LRRC39: variants seen among roughly 807,000 people sequenced by gnomAD.
LRRC39 encodes the protein leucine rich repeat containing 39.
A neutral mutation model predicts 39.7 loss-of-function variants in LRRC39; 35 were observed. The observed-to-expected ratio is 0.88, with a 90% confidence interval of 0.67 to 1.17. The LOEUF is 1.17. LRRC39 is among the 50% of genes most tolerant of loss of function. The pLI is 0.00. For missense variants in LRRC39, 357 were observed against 385.8 expected (o/e 0.93, Z 0.62); for synonymous variants, 113 against 134.1 (o/e 0.84, Z 1.09).
At chr1:100,174,506 C>T (rs1391073664) in intron 1 of LRRC39, among the ~76,000 whole-genome samples, 3 of 151,666 alleles carry the variant, frequency 2.0e-5, no homozygotes, top group Non-Finnish European at 2.9e-5. Context: ...ACCATGTTGC[C>T]CAGGCTGATC....
chr1:100,148,727 T>C lies in LRRC39; in HGVS notation c.*315A>G, dbSNP rs984936441. 8 of 1,612,028 alleles carry C rather than the reference T, an allele frequency of 5.0e-6. No individual in the cohort carries two copies. The highest frequency in any genetic ancestry group is 2.7e-5 in the African/African-American group (2 of 74,906). ...TGCAGCAGAAGGGATTCAGTCCTGCTTTGCAGTACTATACAGACCCTCTGG... is the reference window on the plus strand; with the variant it reads ...TGCAGCAGAAGGGATTCAGTCCTGCCTTGCAGTACTATACAGACCCTCTGG... On this transcript the variant is annotated 3_prime_UTR_variant, in exon 10 of 10. Transcript: ENST00000370137.
chr1:100,160,473 T>G lies in LRRC39; in HGVS notation c.212A>C (p.Glu71Ala), dbSNP rs766510960. 6.2e-7 allele frequency: 1 copy of G among 1,612,270 alleles called. No individual in the cohort carries two copies. Among genetic ancestry groups the G allele is most frequent in the Admixed American group, 1.7e-5 (1 of 59,696 alleles). ...TATTCTATAAAAGCTTACCTTCCAT[T>G]CCTCTTTTTCTATCTTCAAAATGAC... Reference protein sequence around the residue: ...GRVILKIEKEEWKTLPSSLLK... With the variant: ...GRVILKIEKEAWKTLPSSLLK... The change falls in exon 4 of 10, where the codon GAA becomes GCA. Residue 71 changes from glutamate (E) to alanine (A), a missense_variant. Coordinates refer to ENST00000370137, the MANE Select transcript of LRRC39 (RefSeq NM_144620.4).
intron 5 of LRRC39, among the ~76,000 whole-genome samples, 162 bp from the exon 6 acceptor site, chr1:100,158,529 C>G (rs968248202): frequency 2.6e-5 from 4 of 152,152 alleles, no homozygotes; most frequent in Admixed American, 2.6e-4. Flanking sequence ...GCTCCGCCTC[C>G]CGGGTTCACG....
intron 1 of LRRC39, among the ~76,000 whole-genome samples, chr1:100,173,607 T>C (rs542567754): frequency 8.6e-4 from 131 of 152,308 alleles, no homozygotes; most frequent in Non-Finnish European, 1.5e-3. Flanking sequence ...TACTGTATCA[T>C]GGCTCTACCC....
chr1:100,155,051 C>A lies in LRRC39; in HGVS notation c.812G>T (p.Arg271Met). 2 of 1,562,478 alleles carry A rather than the reference C, an allele frequency of 1.3e-6. No homozygotes were observed. The highest frequency in any genetic ancestry group is 1.2e-5 in the South Asian group (1 of 81,796). ...PVCMEEMANL[R>M]FVNFRDNPLK... ...CAGTTTTGTGCCTACAACTTTTTAC[C>A]TCAGATTTGCCATTTCTTCCATGCA... Residue 271 changes from arginine (R) to methionine (M), a missense_variant and splice_region_variant, in exon 8 of 10, where the codon AGG (arginine) becomes ATG (methionine). Physicochemically the swap from Arg to Met is moderately conservative, Grantham distance 91. Transcript: ENST00000370137.
At chr1:100,167,754 C>T (rs540452570) in intron 3 of LRRC39, among the ~76,000 whole-genome samples, 18 of 148,822 alleles carry the variant, frequency 1.2e-4, no homozygotes, top group Admixed American at 1.0e-3. Context: ...CCAGCCTGGG[C>T]GACAGAGTGA....
upstream of LRRC39, among the ~76,000 whole-genome samples, chr1:100,178,516 G>A (rs1660097447): frequency 6.6e-6 from 1 of 152,036 alleles, no homozygotes; most frequent in South Asian, 2.1e-4. Context: ...GAGAAACTTG[G>A]AATATGTTGA....
chr1:100,156,862 G>T (rs1407270496), intron 6 of LRRC39, among the ~76,000 whole-genome samples: 1 of 152,154 alleles, frequency 6.6e-6, no homozygotes, highest in Admixed American at 6.5e-5. Context: ...GCACACGACT[G>T]TAGTCCCAGC....
chr1:100,148,604 G>T lies in LRRC39; in HGVS notation c.*438C>A. On this transcript the variant is annotated 3_prime_UTR_variant, in exon 10 of 10. Coordinates refer to ENST00000370137, the MANE Select transcript of LRRC39 (RefSeq NM_144620.4). ...TTTTGCAAAATTTTAACAATGTTTT[G>T]TGTGTGTTTATTCAATTTAGGCTTC... The T allele has an allele frequency of 6.3e-7, 1 of 1,584,986 alleles. No homozygotes were observed. The highest frequency in any genetic ancestry group is 8.5e-7 in the Non-Finnish European group (1 of 1,170,240).
chr1:100,160,360 T>C (rs796907951), intron 4 of LRRC39, 106 bp downstream of exon 4: 1 of 678,048 alleles, frequency 1.5e-6, no homozygotes, highest in East Asian at 2.9e-5. Context: ...ATTATTAAAA[T>C]TAGTTTCTAA....
chr1:100,165,346 T>C lies in LRRC39; in HGVS notation c.113+3058A>G, dbSNP rs143234940. Among the ~76,000 whole-genome samples, 298 of 152,310 alleles carry C rather than the reference T, an allele frequency of 2.0e-3. 3 individuals carry two copies. The highest frequency in any genetic ancestry group is 6.7e-3 in the African/African-American group (280 of 41,580). The stretch of plus-strand genomic sequence containing the variant: ...AAAGGGCAAGACTGCACACTCATTA[T>C]TCCTATATAGAGAACTTCTGAAATT... On this transcript the variant is annotated intron_variant, in intron 3 of 9. Transcript: ENST00000370137.
At chr1:100,150,802 C>G (rs958151033) in intron 9 of LRRC39, among the ~76,000 whole-genome samples, 3 of 152,112 alleles carry the variant, frequency 2.0e-5, no homozygotes, top group Non-Finnish European at 4.4e-5. Flanking sequence ...TGCACAATTA[C>G]CACAACTTGC....
chr1:100,166,458 C>T lies in LRRC39; in HGVS notation c.113+1946G>A, dbSNP rs536866342. On this transcript the variant is annotated intron_variant, in intron 3 of 9. Transcript: ENST00000370137. ...ACAATGAAATCCAGGCTGAGGTGAT[C>T]GCAGATGGAGATGAGGAACTTGTTG... 6.6e-4 allele frequency among the ~76,000 whole-genome samples: 100 copies of T among 152,186 alleles called. 1 individual carries two copies. The highest frequency in any genetic ancestry group is 2.7e-3 in the South Asian group (13 of 4,824).
chr1:100,171,322 G>A (rs934840682), intron 2 of LRRC39, among the ~76,000 whole-genome samples: 1 of 151,660 alleles, frequency 6.6e-6, no homozygotes, highest in Non-Finnish European at 1.5e-5. Context: ...AAGAGTCACA[G>A]AAAAAAAATC....
At chr1:100,149,990 C>T (rs1442084274) in intron 9 of LRRC39, 5 of 152,342 alleles carry the variant, frequency 3.3e-5, no homozygotes, top group African/African-American at 1.2e-4. Context: ...TCTTGTCAGA[C>T]TGTCTCGGTT....
upstream of LRRC39, chr1:100,178,333 G>A (rs1425647389): frequency 6.6e-6 from 1 of 152,196 alleles, no homozygotes; most frequent in Non-Finnish European, 1.5e-5. Context: ...CGACGGATCA[G>A]CTGATAATGT....
intron 4 of LRRC39, 60 bp from the exon 5 acceptor site, chr1:100,159,475 C>T (rs1483055748): frequency 3.1e-6 from 4 of 1,301,664 alleles, no homozygotes; most frequent in Non-Finnish European, 4.1e-6. Flanking sequence ...TATCACGCCA[C>T]CCTGAAATGT....
intron 3 of LRRC39, among the ~76,000 whole-genome samples, chr1:100,164,566 C>T (rs1443332750): frequency 2.0e-5 from 3 of 152,166 alleles, no homozygotes; most frequent in Non-Finnish European, 4.4e-5. Context: ...CTTTGGGTTA[C>T]CTTTGGTTGG....
chr1:100,168,210 A>G (rs942590199), intron 3 of LRRC39, among the ~76,000 whole-genome samples, 194 bp downstream of exon 3: 1 of 152,134 alleles, frequency 6.6e-6, no homozygotes, highest in Non-Finnish European at 1.5e-5. Flanking sequence ...CCATTTTCAC[A>G]TTTGTATTTT....
Sources: gnomAD v4.1 joint callset for allele counts (sites outside exome capture counted in the v4.1 genomes callset) on GRCh38, gnomAD v4.1.1 for gene constraint, MANE v1.5 for transcripts, NCBI Gene and HGNC (gene_info 2026-07-23, HGNC 2026-07-21) for gene names.